The following SCHIP1 variants were observed in gnomAD, a reference collection of about 807,000 sequenced individuals.
The protein encoded by SCHIP1 is schwannomin interacting protein 1.
A neutral mutation model predicts 29.7 loss-of-function variants in SCHIP1; 8 were observed. That is an observed-to-expected ratio of 0.27 (90% confidence interval 0.16 to 0.49). The LOEUF is 0.49. SCHIP1 is among the 20% of genes least tolerant of loss of function. The pLI is 0.99. For missense variants in SCHIP1, 193 were observed against 294.6 expected (o/e 0.66, Z 2.52); for synonymous variants, 76 against 94.9 (o/e 0.80, Z 1.16).
At chr3:159,644,861 T>C in the SCHIP1 span, among the ~76,000 whole-genome samples, 2 of 152,056 alleles carry the variant, frequency 1.3e-5, no homozygotes, top group African/African-American at 4.8e-5. Context: ...TGCAGAAATT[T>C]GGGGGAATAA....
the SCHIP1 span, among the ~76,000 whole-genome samples, chr3:159,779,635 G>A: frequency 5.3e-5 from 8 of 151,718 alleles, no homozygotes; most frequent in South Asian, 1.7e-3. Flanking sequence ...ATCGCACCAT[G>A]GCACTGCAGT....
the SCHIP1 span, among the ~76,000 whole-genome samples, chr3:159,744,617 GAAGCTGGCATTCT>G: frequency 1.8e-4 from 28 of 152,290 alleles, no homozygotes; most frequent in Non-Finnish European, 1.5e-4. Flanking sequence ...TACCTCTCTG[GAAGCTGGCATTCT>G]AATAGCTTGG....
chr3:159,755,182 C>A, the SCHIP1 span, among the ~76,000 whole-genome samples: 5 of 152,114 alleles, frequency 3.3e-5, no homozygotes, highest in African/African-American at 1.2e-4. Flanking sequence ...TTGCAGTGAG[C>A]CAACATCACG....
At chr3:159,569,042 T>G in the SCHIP1 span, among the ~76,000 whole-genome samples, 45 of 152,176 alleles carry the variant, frequency 3.0e-4, no homozygotes, top group Non-Finnish European at 6.3e-4. Context: ...AACAAAAGCT[T>G]CCTTATGGTT....
the SCHIP1 span, among the ~76,000 whole-genome samples, chr3:159,463,741 G>GAGAT: frequency 1.3e-5 from 2 of 149,438 alleles, no homozygotes; most frequent in South Asian, 2.1e-4. Context: ...AACAGAATGA[G>GAGAT]ATATATATAT....
the SCHIP1 span, among the ~76,000 whole-genome samples, chr3:159,684,002 C>T: frequency 6.6e-6 from 1 of 152,146 alleles, no homozygotes; most frequent in Non-Finnish European, 1.5e-5. Flanking sequence ...TCTTGCTGGC[C>T]AGGAAGAGAC....
chr3:159,736,795 C>T, the SCHIP1 span, among the ~76,000 whole-genome samples: 4 of 150,992 alleles, frequency 2.6e-5, no homozygotes, highest in Non-Finnish European at 4.4e-5. Context: ...AGTGCAGTGG[C>T]GCGATCTCAG....
At chr3:159,424,141 C>A in the SCHIP1 span, among the ~76,000 whole-genome samples, 1 of 151,766 alleles carries the variant, frequency 6.6e-6, no homozygotes. Flanking sequence ...AGCACCTCTC[C>A]TCCTCCAGAG....
the SCHIP1 span, among the ~76,000 whole-genome samples, chr3:159,622,924 AT>A: frequency 6.6e-6 from 1 of 152,210 alleles, no homozygotes; most frequent in African/African-American, 2.4e-5. Context: ...TCTCAAAAAA[AT>A]AAAAAGAAAA....
the SCHIP1 span, among the ~76,000 whole-genome samples, chr3:159,765,912 T>C: frequency 1.3e-5 from 2 of 151,352 alleles, no homozygotes; most frequent in Non-Finnish European, 2.9e-5. Flanking sequence ...CAGGGAGGGG[T>C]GCTGGAGTGG....
the SCHIP1 span, among the ~76,000 whole-genome samples, chr3:159,281,210 C>T: frequency 1.3e-5 from 2 of 152,150 alleles, no homozygotes; most frequent in African/African-American, 4.8e-5. Context: ...AGAAATACAT[C>T]CTCTTGGAAC....
upstream of SCHIP1, among the ~76,000 whole-genome samples, chr3:159,837,619 G>T (rs1318018314): frequency 1.3e-5 from 2 of 151,992 alleles, no homozygotes; most frequent in South Asian, 2.1e-4. Context: ...GCTACTCCGG[G>T]GGCTGAGGCG....
At chr3:159,718,988 CA>C in the SCHIP1 span, among the ~76,000 whole-genome samples, 2 of 152,192 alleles carry the variant, frequency 1.3e-5, no homozygotes, top group Non-Finnish European at 2.9e-5. Flanking sequence ...AACTATACTA[CA>C]AGCCTACAGT....
the SCHIP1 span, among the ~76,000 whole-genome samples, chr3:159,432,327 TGTGTGTGTGTGTGAGAGAGAGAGA>T: frequency 2.8e-5 from 3 of 106,250 alleles, no homozygotes; most frequent in Admixed American, 2.0e-4. Flanking sequence ...TGTGTGTGTG[TGTGTGTGTGTGTGAGAGAGAGAGA>T]GAGAGAGAGA....
At chr3:159,304,242 GT>G in the SCHIP1 span, among the ~76,000 whole-genome samples, 1 of 152,068 alleles carries the variant, frequency 6.6e-6, no homozygotes, top group African/African-American at 2.4e-5. Flanking sequence ...TATTTTCCAT[GT>G]TATTGCATAG....
chr3:159,431,457 G>T, the SCHIP1 span, among the ~76,000 whole-genome samples: 1 of 152,110 alleles, frequency 6.6e-6, no homozygotes, highest in Non-Finnish European at 1.5e-5. Flanking sequence ...GTTGTTTGAG[G>T]ATAAAAGAGG....
the SCHIP1 span, among the ~76,000 whole-genome samples, chr3:159,307,258 G>GACCT: frequency 6.6e-6 from 1 of 152,168 alleles, no homozygotes; most frequent in Non-Finnish European, 1.5e-5. Flanking sequence ...TTTAGATTTG[G>GACCT]ACCTGGACTC....
At chr3:159,887,830 CATGGCCAAACCA>C in exon 4 of SCHIP1, 1 of 1,614,002 alleles carries the variant, frequency 6.2e-7, no homozygotes, top group Non-Finnish European at 8.5e-7. Context: ...TGGCCCTTGC[CATGGCCAAACCA>C]ATGGCCAAAA....
the SCHIP1 span, among the ~76,000 whole-genome samples, chr3:159,765,983 C>T: frequency 6.6e-6 from 1 of 152,196 alleles, no homozygotes; most frequent in Non-Finnish European, 1.5e-5. Context: ...CAGGTTCACA[C>T]TTGTCTCAAC....
Sources: allele counts gnomAD v4.1 joint callset (sites outside exome capture counted in the v4.1 genomes callset), GRCh38; gene constraint gnomAD v4.1.1; transcripts MANE v1.5; gene names NCBI Gene and HGNC (gene_info 2026-07-23, HGNC 2026-07-21).